The following VPS8 variants were observed in gnomAD, a reference collection of about 807,000 sequenced individuals.
VPS8 encodes the protein VPS8 subunit of CORVET complex.
A neutral mutation model predicts 216.4 loss-of-function variants in VPS8; 129 were observed. The observed-to-expected ratio is 0.60, with a 90% CI of 0.52 to 0.69. VPS8 has a LOEUF of 0.69. Among genes scored for constraint, VPS8 ranks in the 30% least tolerant of loss-of-function variants. The pLI, the probability that VPS8 is intolerant of heterozygous loss-of-function variation, is 0.00. For missense variants in VPS8, 1,531 were observed against 1,683.5 expected (o/e 0.91, Z 1.59); for synonymous variants, 571 against 565.4 (o/e 1.01, Z -0.14).
At position 184,840,057 on chromosome 3, in the gene VPS8, C is replaced by T. The variant is rs142262959; in HGVS notation, c.535+305C>T. ...CTTGGGTTATCATCTTGTCTGCCTCCGGTTGTTGGTGGTGGGGATTTTTGA... is the reference window on the plus strand; with the variant it reads ...CTTGGGTTATCATCTTGTCTGCCTCTGGTTGTTGGTGGTGGGGATTTTTGA... On this transcript the variant is annotated intron_variant, in intron 7 of 47. Coordinates refer to ENST00000625842, the MANE Select transcript of VPS8 (RefSeq NM_001009921.3). 1.9e-3 allele frequency: 678 copies of T among 359,540 alleles called. 1 individual carries two copies. The highest frequency in any genetic ancestry group is 2.4e-3 in the Non-Finnish European group (601 of 246,112). The allele number at this position is 359,540 out of a possible 1,614,324, so 22.3% of individuals were successfully genotyped here. A position where few individuals can be genotyped will look rare whatever the true frequency, so the allele number is the denominator to read the frequency against.
chr3:184,890,449 A>G (rs879635625), intron 22 of VPS8, among the ~76,000 whole-genome samples: 11 of 152,016 alleles, frequency 7.2e-5, no homozygotes, highest in Non-Finnish European at 1.3e-4. Flanking sequence ...TTATTTTCAC[A>G]TATTATATTG....
At chr3:184,832,946 A>C (rs1432003961) in intron 4 of VPS8, 127 bp downstream of exon 4, 1 of 1,195,966 alleles carries the variant, frequency 8.4e-7, no homozygotes, top group African/African-American at 1.6e-5. Flanking sequence ...AAGGGATATA[A>C]TATCTTGAAA....
intron 25 of VPS8, chr3:184,901,238 G>T: frequency 5.3e-6 from 2 of 378,750 alleles, no homozygotes; most frequent in Non-Finnish European, 9.4e-6. Flanking sequence ...TCATGTAAAT[G>T]GAATTATGTG....
intron 34 of VPS8, among the ~76,000 whole-genome samples, chr3:184,935,156 C>T (rs1028719552): frequency 4.6e-5 from 7 of 151,706 alleles, no homozygotes; most frequent in African/African-American, 1.5e-4. Context: ...AGCAAGACCC[C>T]GTCTCTACCA....
In VPS8 at chr3:184,929,811, G is replaced by T. The variant is rs536397525; in HGVS notation, c.2799+147G>T. The T allele has an allele frequency of 2.6e-5, 14 of 536,208 alleles. No homozygotes were observed. In the African/African-American group the frequency reaches 2.8e-4, roughly 11 times the overall value. 33.2% of individuals were successfully genotyped at this position (536,208 alleles called of 1,614,324 possible). A position where few individuals can be genotyped will look rare whatever the true frequency, so the allele number is the denominator to read the frequency against. On this transcript the variant is annotated intron_variant, in intron 33 of 47. Transcript: ENST00000625842. ...AACAGATACAGTTCTTGCAGTTTTG[G>T]AATGTATAATTTAGTGATGGAAACT... is the stretch of plus-strand genomic sequence containing the variant.
intron 24 of VPS8, among the ~76,000 whole-genome samples, chr3:184,899,494 G>A (rs1329196081): frequency 2.6e-5 from 4 of 152,148 alleles, no homozygotes; most frequent in Non-Finnish European, 5.9e-5. Context: ...CTTCAGTTTT[G>A]GTTGCACCTC....
rs1363939371 is a variant in VPS8 at position 184,894,721 on chromosome 3, G to A, written c.1800G>A (p.Gln600=). 6.2e-7 allele frequency: 1 copy of A among 1,602,482 alleles called. No individual in the cohort carries two copies. The highest frequency in any genetic ancestry group is 1.1e-5 in the South Asian group (1 of 89,054). ...LLQRKDLLFS[Q]MYDKLSENSV... is the part of the protein sequence containing the mutation. ...GTTACAGGGATCTTTTATTTAGTCAGATGTATGATAAATTAAGTGAGAATT... is the reference window on the plus strand; with the variant it reads ...GTTACAGGGATCTTTTATTTAGTCAAATGTATGATAAATTAAGTGAGAATT... The change falls in exon 23 of 48, where the codon CAG becomes CAA. Residue 600 remains glutamine (Q), a synonymous_variant. Transcript: ENST00000625842.
intron 36 of VPS8, among the ~76,000 whole-genome samples, chr3:184,942,370 C>T (rs1742874278): frequency 6.6e-6 from 1 of 152,126 alleles, no homozygotes; most frequent in South Asian, 2.1e-4. Context: ...AGGATAATTA[C>T]CTCTCACACA....
chr3:184,826,468 AG>A (rs1170440212), intron 3 of VPS8, among the ~76,000 whole-genome samples: 3 of 152,180 alleles, frequency 2.0e-5, no homozygotes, highest in Non-Finnish European at 4.4e-5. Flanking sequence ...CTATATGGCT[AG>A]GGGACAGCAT....
intron 44 of VPS8, among the ~76,000 whole-genome samples, chr3:184,997,258 C>T (rs1752737659): frequency 6.6e-6 from 1 of 152,170 alleles, no homozygotes; most frequent in Non-Finnish European, 1.5e-5. Flanking sequence ...GGCCGTGGAT[C>T]CAAACTTCCT....
intron 8 of VPS8, among the ~76,000 whole-genome samples, chr3:184,848,296 A>T (rs4686802): frequency 0.93 from 141,083 of 152,284 alleles, 65,460 homozygotes; most frequent in African/African-American, 0.98. Flanking sequence ...ACCGTTAATT[A>T]GCTTAGTAAA....
chr3:184,916,181 G>C (rs1002210339), intron 28 of VPS8, among the ~76,000 whole-genome samples: 7 of 152,150 alleles, frequency 4.6e-5, no homozygotes, highest in Admixed American at 4.6e-4. Flanking sequence ...GCTTTTTGCT[G>C]AAAAAACACC....
At chr3:184,917,065 C>T (rs1278218405) in intron 28 of VPS8, among the ~76,000 whole-genome samples, 1 of 152,082 alleles carries the variant, frequency 6.6e-6, no homozygotes, top group East Asian at 1.9e-4. Context: ...GTAATATATG[C>T]CTTAGGGGAA....
In VPS8 at chr3:184,866,861, A is replaced by T. The variant is rs778518125; in HGVS notation, c.1396-15A>T. 1.2e-5 allele frequency: 19 copies of T among 1,606,606 alleles called. No individual in the cohort carries two copies. Among genetic ancestry groups the T allele is most frequent in the Middle Eastern group, 1.7e-4 (1 of 6,040 alleles). The stretch of plus-strand genomic sequence containing the variant: ...GAATTTTTTTACCTTTTTTGTATGT[A>T]TGTTTTTCTTCCAGGCTTTGGTTGG... On this transcript the variant is annotated splice_polypyrimidine_tract_variant and intron_variant, in intron 16 of 47. Transcript: ENST00000625842.
chr3:184,907,215 CA>C (rs1370787330), intron 25 of VPS8, among the ~76,000 whole-genome samples: 3 of 152,192 alleles, frequency 2.0e-5, no homozygotes, highest in Non-Finnish European at 4.4e-5. Flanking sequence ...CAAAAGGTTG[CA>C]TTCTTTTGAG....
chr3:185,045,740 C>CTGGG (rs10695682), intron 46 of VPS8, among the ~76,000 whole-genome samples: 30,959 of 127,072 alleles, frequency 0.24, 4,276 homozygotes, highest in African/African-American at 0.42. Flanking sequence ...GCACTCCAGC[C>CTGGG]TGGGTGACAG....
chr3:185,028,975 GCT>G (rs1164418734), intron 46 of VPS8, among the ~76,000 whole-genome samples: 1 of 152,200 alleles, frequency 6.6e-6, no homozygotes, highest in African/African-American at 2.4e-5. Context: ...GAAATTTCTG[GCT>G]CTGATGACTA....
chr3:184,846,537 G>A (rs147590561), intron 8 of VPS8, among the ~76,000 whole-genome samples: 33 of 152,288 alleles, frequency 2.2e-4, no homozygotes, highest in African/African-American at 6.7e-4. Flanking sequence ...AAGTATGAAC[G>A]TTGTTAAATT....
At chr3:184,966,051 G>T (rs549228602) in intron 38 of VPS8, among the ~76,000 whole-genome samples, 2 of 152,296 alleles carry the variant, frequency 1.3e-5, no homozygotes, top group East Asian at 3.9e-4. Context: ...TTAAGGAAAA[G>T]AAGTTTATTT....
Sources: gnomAD v4.1 joint callset for allele counts (sites outside exome capture counted in the v4.1 genomes callset) on GRCh38, gnomAD v4.1.1 for gene constraint, MANE v1.5 for transcripts, NCBI Gene and HGNC (gene_info 2026-07-23, HGNC 2026-07-21) for gene names.